The following HSPG2 variants were observed in gnomAD, a reference collection of about 807,000 sequenced individuals.
The protein encoded by HSPG2 is heparan sulfate proteoglycan 2, also known as basement membrane-specific heparan sulfate proteoglycan core protein.
A neutral mutation model predicts 526.6 loss-of-function variants in HSPG2; 278 were observed. That is an observed-to-expected ratio of 0.53 (90% confidence interval 0.48 to 0.58). The LOEUF (loss-of-function observed/expected upper bound fraction) is 0.58, where lower values mean the gene tolerates loss of function less well. Among genes scored for constraint, HSPG2 ranks in the 20% least tolerant of loss-of-function variants. The probability of loss-of-function intolerance (pLI) is 0.00; values close to 1 mark genes in which losing one functional copy is unlikely to be tolerated. For missense variants in HSPG2, 5,354 were observed against 6,099.5 expected (o/e 0.88, Z 4.07); for synonymous variants, 2,465 against 2,555.4 (o/e 0.96, Z 1.07).
Position 21,848,678 on chromosome 1 carries a change from A to G in HSPG2, c.7702T>C (p.Tyr2568His). The change falls in exon 59 of 97, where the codon TAT (tyrosine) becomes CAT (histidine). Residue 2568 changes from tyrosine to histidine, a missense_variant. By Grantham distance (83) the Tyr-to-His change is moderately conservative. Coordinates refer to ENST00000374695, the MANE Select transcript of HSPG2 (RefSeq NM_005529.7). The surrounding 1 kb of genome is among the most constrained non-coding windows in gnomAD (Gnocchi z 4.9). ...CTGGGTAAGCTGCCTCCACGCTTAT[A>G]CCAGGTGATGGTGTGGGGAGCCTGG... Reference protein sequence around the residue: ...ASQAPHTITWYKRGGSLPSRH... With the variant: ...ASQAPHTITWHKRGGSLPSRH... 2.5e-6 allele frequency: 4 copies of G among 1,613,526 alleles called. No homozygotes were observed. The highest frequency in any genetic ancestry group is 3.4e-6 in the Non-Finnish European group (4 of 1,179,948).
intron 57 of HSPG2, 71 bp downstream of exon 57, chr1:21,849,970 G>T: frequency 6.3e-7 from 1 of 1,587,968 alleles, no homozygotes; most frequent in Non-Finnish European, 8.6e-7. Flanking sequence ...GAGCCACTGC[G>T]CCCGGTCAAG....
intron 37 of HSPG2, among the ~76,000 whole-genome samples, chr1:21,862,934 C>T (rs1639913350): frequency 6.6e-6 from 1 of 151,154 alleles, no homozygotes; most frequent in Non-Finnish European, 1.5e-5. Context: ...GTGGCAGGTG[C>T]CTGTAATCCC....
chr1:21,832,814 C>T (rs914816454), intron 80 of HSPG2: 3 of 599,058 alleles, frequency 5.0e-6, no homozygotes, highest in Non-Finnish European at 8.9e-6. Context: ...TAGAAAGAAA[C>T]TGAATTTGCT....
chr1:21,822,392 A>T lies in HSPG2; in HGVS notation c.*924T>A. On this transcript the variant is annotated 3_prime_UTR_variant, in exon 97 of 97. Coordinates refer to ENST00000374695, the MANE Select transcript of HSPG2 (RefSeq NM_005529.7). ...GAGCTGGATCTTCAGGCTCCTGCAG[A>T]TGGGGCAGGGTGGTCATATCCCCCT... 3.0e-6 allele frequency: 2 copies of T among 657,662 alleles called. No homozygotes were observed. Among genetic ancestry groups the T allele is most frequent in the Non-Finnish European group, 5.4e-6 (2 of 369,510 alleles). 40.7% of individuals were successfully genotyped at this position (657,662 alleles called of 1,614,324 possible).
At chr1:21,919,797 G>A (rs192622983) in intron 1 of HSPG2, among the ~76,000 whole-genome samples, 77 of 152,318 alleles carry the variant, frequency 5.1e-4, no homozygotes, top group African/African-American at 1.8e-3. Context: ...ACCATCCTCG[G>A]AGTTATAAGA....
chr1:21,880,208 G>A lies in HSPG2; in HGVS notation c.2242C>T (p.His748Tyr). Residue 748 changes from histidine (H) to tyrosine (Y), a missense_variant, in exon 17 of 97, where the codon CAC becomes TAC. By Grantham distance (83) the His-to-Tyr change is moderately conservative. Transcript: ENST00000374695. The part of the protein sequence containing the change: ...SGLSCESCDA[H>Y]FTRVPGGPYL... ...GGCCCACCAGGCACCCGAGTGAAGT[G>A]GGCATCACAGCTCTCGCAGGACAAG... 6.2e-7 allele frequency: 1 copy of A among 1,614,172 alleles called. No individual in the cohort carries two copies. The highest frequency in any genetic ancestry group is 8.5e-7 in the Non-Finnish European group (1 of 1,180,044).
Position 21,830,802 on chromosome 1 carries a change from G to A in HSPG2, c.11671+180C>T, listed in dbSNP as rs2098000036. The A allele has an allele frequency of 4.9e-6, 3 of 615,924 alleles. No individual in the cohort carries two copies. The Admixed American group carries it at 7.5e-5, about 15-fold the overall frequency. The allele number at this position is 615,924 out of a possible 1,614,324, so 38.2% of individuals were successfully genotyped here. ...TGGAGGAGGGGAAGCAGCAGTGATGGGGTGAGGGCCTTCGGGTAGCAGAGA... is the reference window on the plus strand; with the variant it reads ...TGGAGGAGGGGAAGCAGCAGTGATGAGGTGAGGGCCTTCGGGTAGCAGAGA... On this transcript the variant is annotated intron_variant, in intron 85 of 96. Coordinates refer to ENST00000374695, the MANE Select transcript of HSPG2 (RefSeq NM_005529.7).
intron 1 of HSPG2, among the ~76,000 whole-genome samples, chr1:21,900,298 T>C (rs1052984353): frequency 1.3e-5 from 2 of 152,162 alleles, no homozygotes; most frequent in Non-Finnish European, 2.9e-5. Flanking sequence ...GGCCAGAGAA[T>C]TGTTCTAACA....
chr1:21,898,762 G>A lies in HSPG2; in HGVS notation c.64-2452C>T, dbSNP rs1642920511. On this transcript the variant is annotated intron_variant, in intron 1 of 96. Transcript: ENST00000374695. This position sits in a 1 kb window ranked among gnomAD's most constrained non-coding sequence, Gnocchi z 4.0. ...TTTGAGGGGTCCCCTCAACCTGGTGGGGGGCTCTGTCAATGCCAATCCCCC... is the reference window on the plus strand; with the variant it reads ...TTTGAGGGGTCCCCTCAACCTGGTGAGGGGCTCTGTCAATGCCAATCCCCC... Among the ~76,000 whole-genome samples the A allele has an allele frequency of 6.6e-6, 1 of 152,194 alleles. No individual in the cohort carries two copies. Among genetic ancestry groups the A allele is most frequent in the Non-Finnish European group, 1.5e-5 (1 of 68,028 alleles).
At chr1:21,894,493 G>T (rs935296745) in intron 3 of HSPG2, among the ~76,000 whole-genome samples, 1 of 152,164 alleles carries the variant, frequency 6.6e-6, no homozygotes, top group Non-Finnish European at 1.5e-5. Flanking sequence ...GGTTTGGCCT[G>T]GAGGGTCTGA....
intron 33 of HSPG2, chr1:21,870,960 G>A (rs777981756): frequency 5.1e-5 from 41 of 798,532 alleles, no homozygotes; most frequent in Admixed American, 2.5e-4. Flanking sequence ...AGGAGATAGC[G>A]AACCCCAGAA....
chr1:21,921,357 T>C (rs1644033984), intron 1 of HSPG2, among the ~76,000 whole-genome samples: 1 of 152,134 alleles, frequency 6.6e-6, no homozygotes, highest in African/African-American at 2.4e-5. Context: ...TTGTGTATTA[T>C]TGCAGGATCT....
At chr1:21,908,132 A>C in intron 1 of HSPG2, 1 of 822,788 alleles carries the variant, frequency 1.2e-6, no homozygotes, top group South Asian at 1.3e-5. Flanking sequence ...AGAGGCACCC[A>C]ATAGATGTTC....
rs532772812 is a variant in HSPG2, at chr1:21,848,212, C to A, written c.7738-119G>T. 9 of 1,209,832 alleles carry A rather than the reference C, an allele frequency of 7.4e-6. No individual in the cohort carries two copies. In the African/African-American group the frequency reaches 1.2e-4, roughly 16 times the overall value. 74.9% of individuals were successfully genotyped at this position (1,209,832 alleles called of 1,614,324 possible). On this transcript the variant is annotated intron_variant, in intron 59 of 96. Coordinates refer to ENST00000374695, the MANE Select transcript of HSPG2 (RefSeq NM_005529.7). The surrounding 1 kb of genome is among the most constrained non-coding windows in gnomAD (Gnocchi z 4.9). ...CCTCCCTGCCTTGCCTCCTCAGTGG[C>A]CTTCGTGAAGCTCCCAGCATGGCAT...
At chr1:21,880,868 T>C (rs1334487151) in intron 14 of HSPG2, 33 bp from the exon 15 acceptor site, 3 of 1,566,424 alleles carry the variant, frequency 1.9e-6, no homozygotes, top group Non-Finnish European at 8.6e-7. Flanking sequence ...CACGGGCAGC[T>C]GTGGGCACAC....
chr1:21,885,296 T>C, intron 10 of HSPG2, 24 bp downstream of exon 10: 1 of 1,613,738 alleles, frequency 6.2e-7, no homozygotes, highest in Non-Finnish European at 8.5e-7. Flanking sequence ...AGGGCCCGCA[T>C]CTCGACCCCA....
intron 9 of HSPG2, among the ~76,000 whole-genome samples, chr1:21,886,732 G>C (rs1198171288): frequency 6.6e-6 from 1 of 152,164 alleles, no homozygotes; most frequent in African/African-American, 2.4e-5. Flanking sequence ...GATGGATGAA[G>C]GGCTGGGTGG....
intron 1 of HSPG2, among the ~76,000 whole-genome samples, chr1:21,916,636 G>A (rs565643703): frequency 6.6e-6 from 1 of 150,376 alleles, no homozygotes; most frequent in East Asian, 1.9e-4. Context: ...AGGTTGCAGT[G>A]AGCCGAGATT....
intron 1 of HSPG2, among the ~76,000 whole-genome samples, chr1:21,916,318 G>A (rs1052091413): frequency 6.6e-6 from 1 of 151,998 alleles, no homozygotes; most frequent in Non-Finnish European, 1.5e-5. Flanking sequence ...TGGCTAACAC[G>A]GTGAAACCCT....
Sources: gnomAD v4.1 joint callset for allele counts (sites outside exome capture counted in the v4.1 genomes callset) on GRCh38, gnomAD v4.1.1 for gene constraint, Gnocchi (gnomAD v3.1) non-coding constraint, MANE v1.5 for transcripts, NCBI Gene and HGNC (gene_info 2026-07-23, HGNC 2026-07-21) for gene names.